The following PCDHA5 variants were observed in gnomAD, a reference collection of about 807,000 sequenced individuals.
PCDHA5 encodes protocadherin alpha 5.
PCDHA5 carries 43 observed loss-of-function variants against 61.6 expected under a neutral mutation model. The ratio of observed to expected loss-of-function variants is 0.70; its 90% CI spans 0.55 to 0.90. The LOEUF (loss-of-function observed/expected upper bound fraction) is 0.90. Ranked by LOEUF, PCDHA5 falls within the 40% of genes least tolerant of loss-of-function variation. The probability of loss-of-function intolerance (pLI) is 0.00; values close to 1 mark genes in which losing one functional copy is unlikely to be tolerated. For missense variants in PCDHA5, 1,298 were observed against 1,222.7 expected (o/e 1.06, Z -0.92); for synonymous variants, 627 against 543.9 (o/e 1.15, Z -2.13).
chr5:140,909,214 T>C (rs1394994856), intron 1 of PCDHA5, among the ~76,000 whole-genome samples: 2 of 152,232 alleles, frequency 1.3e-5, no homozygotes, highest in African/African-American at 2.4e-5. Context: ...AGAGTTGATA[T>C]ACCCCTGAGG....
chr5:140,985,619 G>C (rs961379624), intron 3 of PCDHA5, among the ~76,000 whole-genome samples: 2 of 152,064 alleles, frequency 1.3e-5, no homozygotes, highest in African/African-American at 2.4e-5. Context: ...TGAACCAGCT[G>C]TGTATTGCTC....
At chr5:140,897,252 A>G (rs1179343621) in intron 1 of PCDHA5, among the ~76,000 whole-genome samples, 3 of 152,018 alleles carry the variant, frequency 2.0e-5, no homozygotes, top group East Asian at 3.9e-4. Flanking sequence ...TTACATATGT[A>G]TACATGTGCC....
chr5:140,857,209 T>C (rs2044423092), intron 1 of PCDHA5: 1 of 1,598,580 alleles, frequency 6.3e-7, no homozygotes, highest in South Asian at 1.1e-5. Flanking sequence ...TCACCTGCTC[T>C]CTGACGCCTC....
intron 1 of PCDHA5, among the ~76,000 whole-genome samples, chr5:140,891,819 G>A (rs1282245838): frequency 6.6e-6 from 1 of 152,216 alleles, no homozygotes. Flanking sequence ...ATAAATTAAC[G>A]GCACTGTAAA....
At chr5:140,870,021 TTTAGA>T (rs782664085) in intron 1 of PCDHA5, 39 of 1,613,464 alleles carry the variant, frequency 2.4e-5, no homozygotes, top group Non-Finnish European at 3.1e-5. Flanking sequence ...TCAATGGAAC[TTTAGA>T]TTATGAAGAA....
At chr5:140,871,415 T>C in intron 1 of PCDHA5, 1 of 1,613,926 alleles carries the variant, frequency 6.2e-7, no homozygotes, top group Non-Finnish European at 8.5e-7. Context: ...CTCATGGCCT[T>C]CAGCCCCAGT....
At chr5:140,944,792 G>C (rs1411963111) in intron 1 of PCDHA5, among the ~76,000 whole-genome samples, 3 of 152,138 alleles carry the variant, frequency 2.0e-5, no homozygotes, top group African/African-American at 7.2e-5. Context: ...TATTTTACAA[G>C]TCTGTCGAGG....
chr5:140,825,585 G>A (rs1768643956), intron 1 of PCDHA5: 1 of 151,552 alleles, frequency 6.6e-6, no homozygotes, highest in Non-Finnish European at 1.5e-5. Flanking sequence ...CCCACACCTG[G>A]CTAATTTTTT....
At chr5:140,856,761 C>A (rs377564040) in intron 1 of PCDHA5, 2 of 1,596,482 alleles carry the variant, frequency 1.3e-6, no homozygotes, top group African/African-American at 2.7e-5. Context: ...AATGATAACG[C>A]CCCTATCTTT....
intron 1 of PCDHA5, chr5:140,829,737 T>C (rs2150173685): frequency 3.1e-6 from 5 of 1,613,542 alleles, no homozygotes; most frequent in East Asian, 4.5e-5. Flanking sequence ...GGCAGCAACG[T>C]GACGCTGCAG....
At chr5:140,890,627 G>A (rs1562851697) in intron 1 of PCDHA5, among the ~76,000 whole-genome samples, 1 of 152,056 alleles carries the variant, frequency 6.6e-6, no homozygotes, top group Non-Finnish European at 1.5e-5. Flanking sequence ...AGAAAATTAA[G>A]CATGTATCCT....
At chr5:141,002,052 G>GGCA (rs1217531547) in intron 3 of PCDHA5, among the ~76,000 whole-genome samples, 1 of 152,206 alleles carries the variant, frequency 6.6e-6, no homozygotes, top group Non-Finnish European at 1.5e-5. Flanking sequence ...GGCATCCAGA[G>GGCA]GCAGCAGCAG....
chr5:140,911,165 G>A (rs931843921), intron 1 of PCDHA5, among the ~76,000 whole-genome samples: 3 of 152,178 alleles, frequency 2.0e-5, no homozygotes, highest in Non-Finnish European at 4.4e-5. Context: ...AATGTGGAAA[G>A]GCTGATGGCA....
chr5:140,851,798 T>C lies in PCDHA5; in HGVS notation c.2352+27671T>C. On this transcript the variant is annotated intron_variant, in intron 1 of 3. Coordinates refer to ENST00000529859, the MANE Select transcript of PCDHA5 (RefSeq NM_018908.3). ...TTTAGATGAGAATTCACTTGTTCTGTCAGTAATCCATAAGACAGAAATCTG... is the reference window on the plus strand; with the variant it reads ...TTTAGATGAGAATTCACTTGTTCTGCCAGTAATCCATAAGACAGAAATCTG... 3 of 953,066 alleles carry C rather than the reference T, an allele frequency of 3.1e-6. No individual in the cohort carries two copies. The South Asian group carries it at 1.5e-4, about 46-fold the overall frequency. 59.0% of individuals were successfully genotyped at this position (953,066 alleles called of 1,614,324 possible). A position where few individuals can be genotyped will look rare whatever the true frequency, so the allele number is the denominator to read the frequency against.
chr5:140,863,769 C>T (rs1032568276), intron 1 of PCDHA5: 6 of 236,858 alleles, frequency 2.5e-5, no homozygotes, highest in African/African-American at 1.1e-4. Context: ...GAAGCCGAGG[C>T]GGGCGGATCA....
rs112338455 is a variant in PCDHA5 at position 140,903,390 on chromosome 5, A to G, written c.2353-75559A>G. ...TATAGGGAGGATTGTGGTTACTTCT[A>G]GAAACAGTAGTGCAGTCAGGAAAAA... On this transcript the variant is annotated intron_variant, in intron 1 of 3. Coordinates refer to ENST00000529859, the MANE Select transcript of PCDHA5 (RefSeq NM_018908.3). Among the ~76,000 whole-genome samples the G allele has an allele frequency of 4.3e-3, 662 of 152,354 alleles. 6 individuals are homozygous for G. Among genetic ancestry groups the G allele is most frequent in the African/African-American group, 0.015 (618 of 41,596 alleles).
intron 1 of PCDHA5, chr5:140,860,649 AG>A (rs2046495256): frequency 1.3e-5 from 2 of 152,282 alleles, no homozygotes; most frequent in Non-Finnish European, 2.9e-5. Context: ...GAAGAAGATA[AG>A]TGAAATAATA....
At chr5:140,924,872 G>C (rs1161649938) in intron 1 of PCDHA5, among the ~76,000 whole-genome samples, 1 of 149,350 alleles carries the variant, frequency 6.7e-6, no homozygotes, top group Non-Finnish European at 1.5e-5. Context: ...TCCAGCCTGG[G>C]TGACAGAGCA....
At position 140,843,179 on chromosome 5, in the gene PCDHA5, A is replaced by T. The variant is rs1554139831; in HGVS notation, c.2352+19052A>T. On this transcript the variant is annotated intron_variant, in intron 1 of 3. Transcript: ENST00000529859. Reference sequence around the variant, plus strand: ...GCAGCCAGCTGCAAGCAGCCCTCGCATCCCGTTCCGCGTGGGGCTGTACAC... The same window carrying T: ...GCAGCCAGCTGCAAGCAGCCCTCGCTTCCCGTTCCGCGTGGGGCTGTACAC... 4 of 1,595,858 alleles carry T rather than the reference A, an allele frequency of 2.5e-6. 1 individual carries two copies. In the Admixed American group the frequency reaches 5.1e-5, roughly 20 times the overall value.
Sources: allele counts gnomAD v4.1 joint callset (sites outside exome capture counted in the v4.1 genomes callset), GRCh38; gene constraint gnomAD v4.1.1; transcripts MANE v1.5; gene names NCBI Gene and HGNC (gene_info 2026-07-23, HGNC 2026-07-21).